The following DSG1 variants were observed in gnomAD, a reference collection of about 807,000 sequenced individuals.
DSG1 encodes desmoglein 1.
A neutral mutation model predicts 97.5 loss-of-function variants in DSG1; 39 were observed. The ratio of observed to expected loss-of-function variants is 0.40; its 90% confidence interval spans 0.31 to 0.52. The LOEUF (loss-of-function observed/expected upper bound fraction) is 0.52, where lower values mean the gene tolerates loss of function less well. DSG1 is among the 20% of genes least tolerant of loss of function. The probability of loss-of-function intolerance (pLI) is 0.53; values close to 1 mark genes in which losing one functional copy is unlikely to be tolerated. For synonymous variants in DSG1, 475 were observed against 443.4 expected (o/e 1.07, Z -0.90); for missense variants, 1,311 against 1,295.4 (o/e 1.01, Z -0.18).
intron 9 of DSG1, among the ~76,000 whole-genome samples, chr18:31,337,144 A>C (rs1055139943): frequency 4.6e-5 from 7 of 152,240 alleles, no homozygotes; most frequent in Non-Finnish European, 1.0e-4. Context: ...TCACAAAAAA[A>C]TCTGTGCGTG....
intron 4 of DSG1, among the ~76,000 whole-genome samples, chr18:31,328,753 C>A (rs2071702587): frequency 6.6e-6 from 1 of 151,946 alleles, no homozygotes; most frequent in South Asian, 2.1e-4. Flanking sequence ...AAGAATGTTA[C>A]CTTATTTTAG....
chr18:31,343,975 T>C lies in DSG1; in HGVS notation c.1871T>C (p.Ile624Thr). 1.9e-6 allele frequency: 3 copies of C among 1,612,794 alleles called. No homozygotes were observed. The highest frequency in any genetic ancestry group is 2.2e-5 in the East Asian group (1 of 44,772). ...PQIPPDNANI[I>T]ECIDNSGVYT... is the part of the protein sequence containing the mutation. ...ATACCACCTGATAACGCAAATATAA[T>C]TGAATGCATTGACAACTCAGGTAAG... Residue 624 changes from isoleucine to threonine, a missense_variant, in exon 13 of 15, where the codon ATT (isoleucine) becomes ACT (threonine). By Grantham distance (89) the Ile-to-Thr change is moderately conservative. Around this residue, in one of 3 missense-constraint regions of DSG1, gnomAD observed 1,038 missense variants for 964.6 expected, o/e 1.08. Transcript: ENST00000257192.
chr18:31,333,907 C>A, intron 7 of DSG1, 110 bp from the exon 8 acceptor site: 1 of 1,129,902 alleles, frequency 8.9e-7, no homozygotes, highest in Non-Finnish European at 1.3e-6. Flanking sequence ...GAGATGAAAA[C>A]CACAGATATC....
intron 1 of DSG1, among the ~76,000 whole-genome samples, chr18:31,323,109 A>G (rs1480598952): frequency 1.3e-5 from 2 of 152,198 alleles, no homozygotes; most frequent in Non-Finnish European, 2.9e-5. Context: ...GAAACTGAGC[A>G]CAGATTGATT....
intron 9 of DSG1, among the ~76,000 whole-genome samples, chr18:31,337,326 G>T (rs563162291): frequency 6.6e-6 from 1 of 151,984 alleles, no homozygotes; most frequent in Non-Finnish European, 1.5e-5. Context: ...GCACGATCCC[G>T]GTTCACTGCC....
intron 1 of DSG1, among the ~76,000 whole-genome samples, chr18:31,318,831 C>T (rs1380998447): frequency 6.6e-6 from 1 of 151,898 alleles, no homozygotes; most frequent in Non-Finnish European, 1.5e-5. Flanking sequence ...GCTGGTCTCG[C>T]TATCCAAATA....
At chr18:31,351,568 G>T (rs1434024780) in intron 14 of DSG1, among the ~76,000 whole-genome samples, 2 of 151,464 alleles carry the variant, frequency 1.3e-5, no homozygotes, top group African/African-American at 4.8e-5. Flanking sequence ...TGACAGTGGG[G>T]TGTTAAAGTC....
intron 1 of DSG1, among the ~76,000 whole-genome samples, chr18:31,324,695 C>T (rs1358486907): frequency 1.3e-5 from 2 of 152,108 alleles, no homozygotes; most frequent in Non-Finnish European, 2.9e-5. Context: ...GCTGCAGTAT[C>T]CCTTGATCTT....
chr18:31,340,298 A>G (rs1331030990), intron 11 of DSG1, among the ~76,000 whole-genome samples: 2 of 151,772 alleles, frequency 1.3e-5, no homozygotes, highest in Non-Finnish European at 2.9e-5. Context: ...ATTTCAGTGA[A>G]GAAGACAATC....
intron 14 of DSG1, chr18:31,353,850 A>C (rs1374366324): frequency 9.0e-6 from 2 of 223,294 alleles, no homozygotes; most frequent in Non-Finnish European, 1.8e-5. Flanking sequence ...GGACGCACCC[A>C]CTGACCTGCA....
intron 14 of DSG1, 118 bp downstream of exon 14, chr18:31,346,316 T>C (rs973585651): frequency 2.3e-6 from 2 of 860,078 alleles, no homozygotes; most frequent in African/African-American, 1.7e-5. Flanking sequence ...TCTCAGCCTT[T>C]AGTTTTTGTG....
At chr18:31,320,699 A>G (rs1304245778) in intron 1 of DSG1, among the ~76,000 whole-genome samples, 2 of 152,162 alleles carry the variant, frequency 1.3e-5, no homozygotes, top group African/African-American at 4.8e-5. Flanking sequence ...TTTTGTTTCC[A>G]TGTAATCAGT....
At position 31,339,923 on chromosome 18, in the gene DSG1, T is replaced by A. The variant is rs1213507526; in HGVS notation, c.1585T>A (p.Ser529Thr). The A allele has an allele frequency of 6.2e-7, 1 of 1,614,118 alleles. No homozygotes were observed. ...TTCTACTGACTCTAGCCAAGTATAT[T>A]CTTCTGAACCCGGAAACGGAGCCAA... ...TTSTDSSQVY[S>T]SEPGNGAKDL... Residue 529 changes from serine to threonine, a missense_variant, in exon 11 of 15, where the codon TCT becomes ACT. Coordinates refer to ENST00000257192, the MANE Select transcript of DSG1 (RefSeq NM_001942.4).
chr18:31,347,771 A>G (rs1347890289), intron 14 of DSG1: 1 of 152,170 alleles, frequency 6.6e-6, no homozygotes, highest in Non-Finnish European at 1.5e-5. Flanking sequence ...TGCTGTGCTG[A>G]AAAAGTCATG....
At chr18:31,322,152 G>T (rs1446105126) in intron 1 of DSG1, among the ~76,000 whole-genome samples, 1 of 152,170 alleles carries the variant, frequency 6.6e-6, no homozygotes, top group Non-Finnish European at 1.5e-5. Context: ...CAAATTAATG[G>T]TTGCCTGTTG....
At chr18:31,353,002 G>A (rs1287891323) in intron 14 of DSG1, among the ~76,000 whole-genome samples, 41 of 148,448 alleles carry the variant, frequency 2.8e-4, no homozygotes, top group African/African-American at 8.1e-4. Flanking sequence ...GCTTTGTTCC[G>A]TTGCTGGTGA....
In DSG1 at chr18:31,354,315, G is replaced by C. The variant is rs766178255; in HGVS notation, c.2119G>C (p.Asp707His). Reference protein sequence around the residue: ...YFCQKAYAYADEDEGRPSNDC... With the variant: ...YFCQKAYAYAHEDEGRPSNDC... ...AATTCAGAAAGCATATGCTTACGCAGATGAAGATGAAGGACGCCCATCTAA... is the reference window on the plus strand; with the variant it reads ...AATTCAGAAAGCATATGCTTACGCACATGAAGATGAAGGACGCCCATCTAA... Residue 707 changes from aspartate (D) to histidine (H), a missense_variant, in exon 15 of 15, where the codon GAT (aspartate) becomes CAT (histidine). By Grantham distance (81) the Asp-to-His change is moderately conservative. Around this residue, in one of 3 missense-constraint regions of DSG1, gnomAD observed 1,038 missense variants for 964.6 expected, o/e 1.08. Coordinates refer to ENST00000257192, the MANE Select transcript of DSG1 (RefSeq NM_001942.4). 6.2e-7 allele frequency: 1 copy of C among 1,613,986 alleles called. No individual in the cohort carries two copies. The highest frequency in any genetic ancestry group is 2.2e-5 in the East Asian group (1 of 44,892).
chr18:31,334,906 T>G (rs2144097072), intron 8 of DSG1, among the ~76,000 whole-genome samples: 1 of 152,318 alleles, frequency 6.6e-6, no homozygotes, highest in Middle Eastern at 3.4e-3. Context: ...TTTCGCCCTG[T>G]GCTACACAAC....
intron 1 of DSG1, among the ~76,000 whole-genome samples, chr18:31,325,042 G>A (rs78531319): frequency 0.057 from 8,628 of 152,258 alleles, 379 homozygotes; most frequent in South Asian, 0.13. Context: ...TCTATCAAGA[G>A]TCAGATTTCA....
Sources: gnomAD v4.1 joint callset for allele counts (sites outside exome capture counted in the v4.1 genomes callset) on GRCh38, gnomAD v4.1.1 for gene constraint, gnomAD v4.1.1 regional missense constraint, MANE v1.5 for transcripts, NCBI Gene and HGNC (gene_info 2026-07-23, HGNC 2026-07-21) for gene names.